BRCA1: variants seen among roughly 807,000 people sequenced by gnomAD.
BRCA1 encodes the protein breast cancer type 1 susceptibility protein.
A neutral mutation model predicts 173.7 loss-of-function variants in BRCA1; 140 were observed. The observed-to-expected ratio is 0.81, with a 90% CI of 0.70 to 0.93. BRCA1 has a LOEUF of 0.93. BRCA1 is among the 40% of genes least tolerant of loss of function. The pLI is 0.00. For missense variants in BRCA1, 1,983 were observed against 2,172.5 expected (o/e 0.91, Z 1.73); for synonymous variants, 662 against 756.0 (o/e 0.88, Z 2.04).
chr17:43,098,983 ATTTTT>A, intron 7 of BRCA1, among the ~76,000 whole-genome samples: 1 of 130,490 alleles, frequency 7.7e-6, no homozygotes, highest in Non-Finnish European at 1.7e-5. Context: ...ACCCCGGCTA[ATTTTT>A]TTTTTTTTTT....
At chr17:43,122,251 T>C (rs2055612229) in intron 2 of BRCA1, among the ~76,000 whole-genome samples, 1 of 152,212 alleles carries the variant, frequency 6.6e-6, no homozygotes, top group Admixed American at 6.5e-5. Flanking sequence ...GAGGCAATGG[T>C]ACAACTTTTC....
intron 7 of BRCA1, 83 bp from the exon 8 acceptor site, chr17:43,097,372 G>C (rs1206343490): frequency 2.1e-5 from 24 of 1,118,438 alleles, no homozygotes; most frequent in Admixed American, 6.8e-5. Flanking sequence ...TTGAAAAACA[G>C]ATATTCAACT....
chr17:43,101,857 G>C (rs1453909322), intron 6 of BRCA1, among the ~76,000 whole-genome samples: 1 of 152,018 alleles, frequency 6.6e-6, no homozygotes, highest in Non-Finnish European at 1.5e-5. Flanking sequence ...AGTAACAACA[G>C]AGCAAATCAC....
intron 12 of BRCA1, chr17:43,079,189 C>G (rs764625123): frequency 1.3e-4 from 97 of 723,268 alleles, no homozygotes; most frequent in South Asian, 2.4e-4. Flanking sequence ...AAAAACAAAA[C>G]AAAACAAAAC....
At chr17:43,082,358 G>C in intron 12 of BRCA1, 46 bp downstream of exon 12, 2 of 1,588,860 alleles carry the variant, frequency 1.3e-6, no homozygotes, top group South Asian at 2.2e-5. Context: ...AAAGGGGAAG[G>C]AAAGAATTTT....
At chr17:43,131,225 T>A in intron 1 of BRCA1, 1 of 318,256 alleles carries the variant, frequency 3.1e-6, no homozygotes, top group Non-Finnish European at 7.1e-6. Context: ...TTTCATTTGA[T>A]CTGAATAGTA....
chr17:43,125,134 A>G (rs953335102), intron 1 of BRCA1, 137 bp downstream of exon 1: 3 of 435,204 alleles, frequency 6.9e-6, no homozygotes, highest in Admixed American at 5.0e-5. Context: ...AGGGTTCACA[A>G]CGCCTTACGC....
chr17:43,082,227 G>C (rs2053029641), intron 12 of BRCA1, among the ~76,000 whole-genome samples, 177 bp downstream of exon 12: 1 of 152,098 alleles, frequency 6.6e-6, no homozygotes, highest in African/African-American at 2.4e-5. Context: ...GACTGCCTTG[G>C]GTCCCTCTGA....
chr17:43,067,462 G>C, intron 16 of BRCA1, 146 bp downstream of exon 16: 1 of 649,184 alleles, frequency 1.5e-6, no homozygotes, highest in Non-Finnish European at 2.8e-6. Context: ...CACCATGCTG[G>C]CCAGGATGGT....
At chr17:43,074,578 A>G (rs1408338844) in intron 13 of BRCA1, 57 bp from the exon 14 acceptor site, 23 of 1,510,830 alleles carry the variant, frequency 1.5e-5, no homozygotes, top group Non-Finnish European at 2.1e-5. Flanking sequence ...AGGACAAATC[A>G]TACTTGCTGG....
At position 43,094,732 on chromosome 17, in the gene BRCA1, A is replaced by G. The variant is rs587781496; in HGVS notation, c.799T>C (p.Ser267Pro). Residue 267 changes from serine to proline, a missense_variant, in exon 10 of 23, where the codon TCA (serine) becomes CCA (proline). Ser to Pro is a moderately conservative substitution (Grantham distance 74, BLOSUM62 -1). Transcript: ENST00000357654. ...HPEKYQGSSV[S>P]NLHVEPCGTN... The stretch of plus-strand genomic sequence containing the variant: ...CCACATGGCTCCACATGCAAGTTTG[A>G]AACAGAACTACCCTGATACTTTTCT... The G allele has an allele frequency of 2.5e-6, 4 of 1,611,582 alleles. No homozygotes were observed. The South Asian group carries it at 3.3e-5, about 13-fold the overall frequency.
At chr17:43,150,425 C>A (rs968407652) in intron 1 of BRCA1, among the ~76,000 whole-genome samples, 11 of 152,142 alleles carry the variant, frequency 7.2e-5, no homozygotes, top group African/African-American at 2.7e-4. Flanking sequence ...GACTCACTTA[C>A]CTCTGCAGAT....
At chr17:43,063,226 T>C (rs1425038246) in intron 18 of BRCA1, 107 bp downstream of exon 18, 1 of 904,654 alleles carries the variant, frequency 1.1e-6, no homozygotes, top group East Asian at 2.6e-5. Flanking sequence ...CATGGAAAAT[T>C]TGTGCATTGT....
At position 43,045,574 on chromosome 17, in the gene BRCA1, C is replaced by G. The variant is rs762641426; in HGVS notation, c.*104G>C. 3 of 1,497,266 alleles carry G rather than the reference C, an allele frequency of 2.0e-6. No homozygotes were observed. The highest frequency in any genetic ancestry group is 1.4e-5 in the African/African-American group (1 of 72,280). The allele number at this position is 1,497,266 out of a possible 1,614,324, so 92.7% of individuals were successfully genotyped here. A position where few individuals can be genotyped will look rare whatever the true frequency, so the allele number is the denominator to read the frequency against. ...TACATAAAATATTTAGTAGCCAGGA[C>G]AGTAGAAGGACTGAAGAGTGAGAGG... On this transcript the variant is annotated 3_prime_UTR_variant, in exon 23 of 23. Coordinates refer to ENST00000357654, the MANE Select transcript of BRCA1 (RefSeq NM_007294.4).
At position 43,115,767 on chromosome 17, in the gene BRCA1, G is replaced by C. The variant is rs80357000; in HGVS notation, c.93C>G (p.Ile31Met). The C allele has an allele frequency of 6.2e-7, 1 of 1,613,378 alleles. No homozygotes were observed. Among genetic ancestry groups the C allele is most frequent in the Non-Finnish European group, 8.5e-7 (1 of 1,179,708 alleles). The change falls in exon 3 of 23, where the codon ATC becomes ATG. Residue 31 changes from isoleucine to methionine, a missense_variant. Ile to Met is a conservative substitution (Grantham distance 10). Transcript: ENST00000357654. ...CACACTTTGTGGAGACAGGTTCCTT[G>C]ATCAACTCCAGACTAGCAGGGTAGG... is the stretch of plus-strand genomic sequence containing the variant. ...ILECPICLEL[I>M]KEPVSTKCDH... is the part of the protein sequence containing the mutation.
chr17:43,103,971 G>T (rs1008534605), intron 6 of BRCA1, 151 bp downstream of exon 6: 6 of 963,858 alleles, frequency 6.2e-6, no homozygotes, highest in South Asian at 5.9e-5. Flanking sequence ...GCCTGGCATG[G>T]TGGCGCGTGC....
intron 2 of BRCA1, among the ~76,000 whole-genome samples, chr17:43,119,948 GA>G (rs879736387): frequency 6.6e-6 from 1 of 152,058 alleles, no homozygotes; most frequent in Non-Finnish European, 1.5e-5. Flanking sequence ...AAAGGGAAAA[GA>G]AAAAAAATTA....
chr17:43,084,851 C>T (rs1171585167), intron 11 of BRCA1, among the ~76,000 whole-genome samples: 1 of 152,154 alleles, frequency 6.6e-6, no homozygotes, highest in Admixed American at 6.5e-5. Context: ...AGATATCTGA[C>T]CAAAATGCTT....
intron 1 of BRCA1, chr17:43,160,655 T>C (rs895195028): frequency 1.3e-5 from 2 of 152,152 alleles, no homozygotes; most frequent in African/African-American, 2.4e-5. Flanking sequence ...TTTTAGTTTT[T>C]ACTTTTTCTT....
Sources: gnomAD v4.1 joint callset for allele counts (sites outside exome capture counted in the v4.1 genomes callset) on GRCh38, gnomAD v4.1.1 for gene constraint, MANE v1.5 for transcripts, NCBI Gene and HGNC (gene_info 2026-07-23, HGNC 2026-07-21) for gene names.